The following CADM1 variants were observed in gnomAD, a reference collection of about 807,000 sequenced individuals.
CADM1 encodes the protein TSLC-1.
Under a neutral mutation model 53.1 loss-of-function variants are expected in CADM1, and 15 were observed. The observed-to-expected ratio is 0.28, with a 90% confidence interval of 0.19 to 0.44. The LOEUF (loss-of-function observed/expected upper bound fraction) is 0.44, where lower values mean the gene tolerates loss of function less well. Ranked by LOEUF, CADM1 falls within the 20% of genes least tolerant of loss-of-function variation. CADM1 has a pLI of 1.00. For missense variants in CADM1, 434 were observed against 611.3 expected, an observed-to-expected ratio of 0.71 and a Z score of 3.06; for synonymous variants, 281 against 243.0, an observed-to-expected ratio of 1.16 and a Z score of -1.45.
At chr11:115,462,196 C>T (rs190505162) in intron 1 of CADM1, among the ~76,000 whole-genome samples, 2 of 152,300 alleles carry the variant, frequency 1.3e-5, no homozygotes, top group Admixed American at 6.5e-5. Context: ...GCCACTGATG[C>T]TTGGTGACCT....
At chr11:115,473,944 G>C (rs1949070242) in intron 1 of CADM1, among the ~76,000 whole-genome samples, 1 of 151,972 alleles carries the variant, frequency 6.6e-6, no homozygotes, top group East Asian at 1.9e-4. Context: ...CTCATGAAAG[G>C]CTTATACCCA....
At chr11:115,483,369 T>A (rs1175484068) in intron 1 of CADM1, among the ~76,000 whole-genome samples, 1 of 152,146 alleles carries the variant, frequency 6.6e-6, no homozygotes, top group African/African-American at 2.4e-5. Context: ...AAAATAACAA[T>A]GTGAATTGGC....
At chr11:115,250,562 CAAAT>C (rs1230393477) in intron 1 of CADM1, among the ~76,000 whole-genome samples, 11 of 152,228 alleles carry the variant, frequency 7.2e-5, no homozygotes, top group African/African-American at 2.6e-4. Flanking sequence ...GCAAGAAAAA[CAAAT>C]TATTTATTTT....
intron 10 of CADM1, among the ~76,000 whole-genome samples, chr11:115,185,317 C>A (rs1391281857): frequency 1.3e-5 from 2 of 152,126 alleles, no homozygotes; most frequent in Non-Finnish European, 2.9e-5. Flanking sequence ...TGGTAAGATG[C>A]CCAATAAACA....
rs1475107899 is a variant in CADM1 at position 115,231,369 on chromosome 11, C to T, written c.546G>A (p.Gly182=). 4.3e-6 allele frequency: 7 copies of T among 1,614,154 alleles called. No homozygotes were observed. The highest frequency in any genetic ancestry group is 5.9e-6 in the Non-Finnish European group (7 of 1,179,994). ...KPATTIRWFK[G]NTELKGKSEV... is the part of the protein sequence containing the mutation. The stretch of plus-strand genomic sequence containing the variant: ...GCAGCTTACCTTTTAGCTCTGTGTT[C>T]CCTTTGAACCACCTGATAGTCGTGG... Residue 182 remains glycine, a synonymous_variant, in exon 4 of 12, where the codon GGG becomes GGA. Transcript: ENST00000331581.
At chr11:115,364,138 GACTGTAT>G (rs1946098561) in intron 1 of CADM1, among the ~76,000 whole-genome samples, 1 of 152,078 alleles carries the variant, frequency 6.6e-6, no homozygotes, top group African/African-American at 2.4e-5. Flanking sequence ...AGCAACACAT[GACTGTAT>G]ATCTGTGATC....
At chr11:115,486,152 T>C (rs995172355) in intron 1 of CADM1, among the ~76,000 whole-genome samples, 12 of 152,202 alleles carry the variant, frequency 7.9e-5, no homozygotes, top group African/African-American at 2.4e-4. Context: ...GTTTTTGTTG[T>C]CTTGCTTGAA....
rs1938896391 is a variant in CADM1, at chr11:115,173,963, A to G, written c.*2511T>C. The G allele has an allele frequency of 1.0e-6, 1 of 961,628 alleles. No individual in the cohort carries two copies. Among genetic ancestry groups the G allele is most frequent in the Non-Finnish European group, 1.2e-6 (1 of 808,264 alleles). 59.6% of individuals were successfully genotyped at this position (961,628 alleles called of 1,614,324 possible). Reference sequence around the variant, plus strand: ...AAGTGATCAACCTGTACAAAGTAATACTCAACAATACATTTCAAACAGTGC... The same window carrying G: ...AAGTGATCAACCTGTACAAAGTAATGCTCAACAATACATTTCAAACAGTGC... On this transcript the variant is annotated 3_prime_UTR_variant, in exon 12 of 12. Transcript: ENST00000331581.
In CADM1 at chr11:115,214,649, ATGTT is replaced by A; in HGVS notation, c.949_952del (p.Asn317Ter). 6.2e-7 allele frequency: 1 copy of A among 1,613,960 alleles called. No individual in the cohort carries two copies. The highest frequency in any genetic ancestry group is 8.5e-7 in the Non-Finnish European group (1 of 1,179,914). ...ATAATCCGAGTGAGCTTTCCCCACTATGTTTGAAGCTTCACAGCGGTATGTACCA... is the reference window on the plus strand; with the variant it reads ...ATAATCCGAGTGAGCTTTCCCCACTATGAAGCTTCACAGCGGTATGTACCA... On this transcript the variant is annotated frameshift_variant, in exon 7 of 12. Transcript: ENST00000331581. LOFTEE classifies it high-confidence loss of function.
chr11:115,317,060 A>G (rs954239118), intron 1 of CADM1, among the ~76,000 whole-genome samples: 33 of 152,188 alleles, frequency 2.2e-4, no homozygotes, highest in African/African-American at 7.5e-4. Flanking sequence ...TTAAACACCT[A>G]GGACATTTAT....
At chr11:115,230,684 T>C (rs945309304) in intron 4 of CADM1, among the ~76,000 whole-genome samples, 1 of 152,170 alleles carries the variant, frequency 6.6e-6, no homozygotes, top group Non-Finnish European at 1.5e-5. Context: ...ATGATCAGAA[T>C]GGGGCTGAAG....
chr11:115,488,961 G>A (rs552236107), intron 1 of CADM1, among the ~76,000 whole-genome samples: 26 of 152,178 alleles, frequency 1.7e-4, no homozygotes, highest in African/African-American at 5.1e-4. Flanking sequence ...TTAAATTTCC[G>A]TATGTTCACC....
intron 2 of CADM1, among the ~76,000 whole-genome samples, 179 bp downstream of exon 2, chr11:115,240,095 T>C (rs904032222): frequency 2.0e-5 from 3 of 152,198 alleles, no homozygotes; most frequent in African/African-American, 7.2e-5. Context: ...AAAGGGGCCA[T>C]TCAAGGTTTC....
chr11:115,325,473 T>A (rs1306097381), intron 1 of CADM1, among the ~76,000 whole-genome samples: 1 of 152,126 alleles, frequency 6.6e-6, no homozygotes, highest in Non-Finnish European at 1.5e-5. Context: ...AATTAGATCT[T>A]ATGTCCTAGG....
At position 115,292,079 on chromosome 11, in the gene CADM1, A is replaced by G. The variant is rs566227225; in HGVS notation, c.125-51659T>C. On this transcript the variant is annotated intron_variant, in intron 1 of 11. Transcript: ENST00000331581. ...ACTAGGGGCTTGTCTTCTGTTTCTT[A>G]CCACCCACTGAAACAACAGCTGGAG... 1.9e-3 allele frequency among the ~76,000 whole-genome samples: 292 copies of G among 152,146 alleles called. 1 individual carries two copies. The Middle Eastern group carries it at 0.044, about 23-fold the overall frequency.
intron 1 of CADM1, among the ~76,000 whole-genome samples, chr11:115,324,535 C>CAG (rs1944910151): frequency 6.6e-6 from 1 of 151,914 alleles, no homozygotes; most frequent in Non-Finnish European, 1.5e-5. Flanking sequence ...CAGAAACAGA[C>CAG]AGAGACCTTA....
chr11:115,306,266 G>C (rs1944371350), intron 1 of CADM1, among the ~76,000 whole-genome samples: 2 of 151,938 alleles, frequency 1.3e-5, no homozygotes, highest in African/African-American at 2.4e-5. Flanking sequence ...ACAGTATTCA[G>C]TGCAGTAACA....
rs118179487 is a variant in CADM1 at position 115,452,322 on chromosome 11, A to G, written c.124+51949T>C. 3.9e-3 allele frequency among the ~76,000 whole-genome samples: 599 copies of G among 152,292 alleles called. 1 individual carries two copies. The highest frequency in any genetic ancestry group is 6.5e-3 in the Non-Finnish European group (439 of 68,018). Reference sequence around the variant, plus strand: ...GTTCCAGTCTCCTAGCCCAGAACCTATAAAATCCATTTGAATTACAGCTCA... The same window carrying G: ...GTTCCAGTCTCCTAGCCCAGAACCTGTAAAATCCATTTGAATTACAGCTCA... On this transcript the variant is annotated intron_variant, in intron 1 of 11. Transcript: ENST00000331581.
At chr11:115,483,749 G>A (rs1949307389) in intron 1 of CADM1, among the ~76,000 whole-genome samples, 1 of 152,108 alleles carries the variant, frequency 6.6e-6, no homozygotes, top group South Asian at 2.1e-4. Context: ...AGCCCTATAT[G>A]GTAGCCGATA....
Sources: gnomAD v4.1 joint callset for allele counts (sites outside exome capture counted in the v4.1 genomes callset) on GRCh38, gnomAD v4.1.1 for gene constraint, MANE v1.5 for transcripts, NCBI Gene and HGNC (gene_info 2026-07-23, HGNC 2026-07-21) for gene names.